The following SRPK2 variants were observed in gnomAD, a reference collection of about 807,000 sequenced individuals.
The protein encoded by SRPK2 is SRSF protein kinase 2.
A neutral mutation model predicts 90.8 loss-of-function variants in SRPK2; 21 were observed. That is an observed-to-expected ratio of 0.23 (90% CI 0.16 to 0.33). The LOEUF is 0.33. SRPK2 is among the 10% of genes least tolerant of loss of function. The probability of loss-of-function intolerance (pLI) is 1.00; values close to 1 mark genes in which losing one functional copy is unlikely to be tolerated. For synonymous variants in SRPK2, 288 were observed against 311.1 expected (o/e 0.93, Z 0.78); for missense variants, 620 against 869.0 (o/e 0.71, Z 3.60).
chr7:105,115,007 ATTC>A (rs1195200530), downstream of SRPK2, among the ~76,000 whole-genome samples: 7 of 152,240 alleles, frequency 4.6e-5, no homozygotes, highest in African/African-American at 1.7e-4. Flanking sequence ...AAATAAAAAT[ATTC>A]TTCTTAAAAG....
In SRPK2 at chr7:105,149,360, C is replaced by G. The variant is rs555935979; in HGVS notation, c.622-2702G>C. Among the ~76,000 whole-genome samples, 78 of 152,228 alleles carry G rather than the reference C, an allele frequency of 5.1e-4. 3 individuals are homozygous for G. The South Asian group carries it at 0.016, about 31-fold the overall frequency. On this transcript the variant is annotated intron_variant, in intron 7 of 15. Transcript: ENST00000393651. ...TGTACGTGCACGTCCAGTCATAGTA[C>G]CTTCCCTTGAACTTAATTATGACAT...
At chr7:105,349,223 C>T (rs1016619346) in intron 2 of SRPK2, among the ~76,000 whole-genome samples, 2 of 145,384 alleles carry the variant, frequency 1.4e-5, no homozygotes, top group African/African-American at 5.1e-5. Flanking sequence ...TGTCAAGAAC[C>T]TACGAAAGAA....
chr7:105,321,808 G>A (rs911725455), intron 2 of SRPK2, among the ~76,000 whole-genome samples: 14 of 152,138 alleles, frequency 9.2e-5, no homozygotes, highest in African/African-American at 2.9e-4. Flanking sequence ...AACAAGTACT[G>A]GAAAATATGT....
intron 7 of SRPK2, among the ~76,000 whole-genome samples, chr7:105,154,755 C>A (rs1376625279): frequency 6.6e-6 from 1 of 152,188 alleles, no homozygotes. Flanking sequence ...CGGCTCACTG[C>A]AACCTCCGTA....
At chr7:105,194,630 T>C (rs1347642811) in intron 3 of SRPK2, among the ~76,000 whole-genome samples, 1 of 152,206 alleles carries the variant, frequency 6.6e-6, no homozygotes, top group Admixed American at 6.5e-5. Context: ...CAATACCATG[T>C]TAATGGGTTG....
chr7:105,321,935 C>T (rs940434839), intron 2 of SRPK2, among the ~76,000 whole-genome samples: 6 of 152,154 alleles, frequency 3.9e-5, no homozygotes, highest in Non-Finnish European at 1.5e-5. Flanking sequence ...TCAGCAATTC[C>T]ACTCATAGGT....
intron 2 of SRPK2, among the ~76,000 whole-genome samples, chr7:105,340,067 G>GAA (rs537816807): frequency 1.4e-4 from 14 of 100,630 alleles, no homozygotes; most frequent in Non-Finnish European, 2.6e-4. Flanking sequence ...CAAAAAAAAG[G>GAA]AAAAAAAAAA....
intron 2 of SRPK2, among the ~76,000 whole-genome samples, chr7:105,294,691 A>G (rs1235935394): frequency 6.6e-6 from 1 of 152,010 alleles, no homozygotes; most frequent in South Asian, 2.1e-4. Flanking sequence ...ATGCCTGGCT[A>G]ATTTTTCTAT....
chr7:105,137,863 G>A lies in SRPK2; in HGVS notation c.1543+4145C>T, dbSNP rs977072136. The stretch of plus-strand genomic sequence containing the variant: ...ATTGTTTCTCTTGCCTCAAATTCAC[G>A]AAGTACCGTGTGGTCAAGTGCAAGA... On this transcript the variant is annotated intron_variant, in intron 11 of 15. Coordinates refer to ENST00000393651, the MANE Select transcript of SRPK2 (RefSeq NM_182692.3). Among the ~76,000 whole-genome samples the A allele has an allele frequency of 6.6e-5, 10 of 152,210 alleles. No homozygotes were observed. In the East Asian group the frequency reaches 9.6e-4, roughly 15 times the overall value.
chr7:105,205,918 A>G, intron 2 of SRPK2: 1 of 495,484 alleles, frequency 2.0e-6, no homozygotes, highest in South Asian at 1.4e-5. Flanking sequence ...AAATGAGTAC[A>G]TTCTCTGAAA....
rs1440096301 is a variant in SRPK2 at position 105,145,280 on chromosome 7, T to C, written c.813+3A>G. 1.3e-6 allele frequency: 2 copies of C among 1,593,086 alleles called. No individual in the cohort carries two copies. The highest frequency in any genetic ancestry group is 1.7e-6 in the Non-Finnish European group (2 of 1,169,796). ...ATATAAAGTAATATGCGTAAGTACT[T>C]ACAGGTTTCTGCTGTGGAGCCGTAC... On this transcript the variant is annotated splice_donor_region_variant and intron_variant, in intron 9 of 15. Coordinates refer to ENST00000393651, the MANE Select transcript of SRPK2 (RefSeq NM_182692.3).
intron 2 of SRPK2, among the ~76,000 whole-genome samples, chr7:105,266,421 C>T (rs1805085257): frequency 6.6e-6 from 1 of 152,052 alleles, no homozygotes; most frequent in Non-Finnish European, 1.5e-5. Flanking sequence ...TTTCTCTACC[C>T]AGTTTTCTGA....
At chr7:105,170,840 A>AAGG (rs1790796752) in intron 3 of SRPK2, among the ~76,000 whole-genome samples, 4 of 8,004 alleles carry the variant, frequency 5.0e-4, no homozygotes, top group African/African-American at 1.7e-3. Context: ...AGAAAGGAAG[A>AAGG]AAGAAAGAAA....
At chr7:105,335,167 G>A (rs1455359736) in intron 2 of SRPK2, among the ~76,000 whole-genome samples, 6 of 151,986 alleles carry the variant, frequency 3.9e-5, no homozygotes, top group South Asian at 4.1e-4. Context: ...GCAAGACTCC[G>A]TCTCAAAAAA....
At chr7:105,281,492 A>G (rs1807327520) in intron 2 of SRPK2, among the ~76,000 whole-genome samples, 1 of 152,020 alleles carries the variant, frequency 6.6e-6, no homozygotes, top group Non-Finnish European at 1.5e-5. Flanking sequence ...TTTGCTCAAG[A>G]CTCCAGCGCT....
intron 2 of SRPK2, among the ~76,000 whole-genome samples, chr7:105,237,003 T>C (rs1018347123): frequency 1.3e-5 from 2 of 152,224 alleles, no homozygotes; most frequent in Admixed American, 6.5e-5. Context: ...TAGTTGGTGA[T>C]ACTAGGAAGT....
chr7:105,300,598 T>A (rs919210594), intron 2 of SRPK2, among the ~76,000 whole-genome samples: 1 of 151,868 alleles, frequency 6.6e-6, no homozygotes, highest in Non-Finnish European at 1.5e-5. Context: ...TGGGAGAAAA[T>A]TTTTGCAATC....
At chr7:105,236,879 T>C (rs746869413) in intron 2 of SRPK2, among the ~76,000 whole-genome samples, 11 of 152,126 alleles carry the variant, frequency 7.2e-5, no homozygotes, top group Admixed American at 1.3e-4. Context: ...TCCACAAATA[T>C]AGAGATAGAA....
chr7:105,384,900 G>C (rs1308587822), intron 2 of SRPK2, among the ~76,000 whole-genome samples: 1 of 149,454 alleles, frequency 6.7e-6, no homozygotes, highest in East Asian at 2.0e-4. Flanking sequence ...TTTTTGAGAC[G>C]GAGTCTGGCT....
Sources: allele counts gnomAD v4.1 joint callset (sites outside exome capture counted in the v4.1 genomes callset), GRCh38; gene constraint gnomAD v4.1.1; transcripts MANE v1.5; gene names NCBI Gene and HGNC (gene_info 2026-07-23, HGNC 2026-07-21).